The following CYBC1 variants were observed in gnomAD, a reference collection of about 807,000 sequenced individuals.
The protein encoded by CYBC1 is cytochrome b-245 chaperone 1, also known as essential for reactive oxygen species protein.
In CYBC1, 22 loss-of-function variants were observed where a neutral mutation model predicts 21.7. The observed-to-expected ratio is 1.02, with a 90% CI of 0.73 to 1.45. The LOEUF (loss-of-function observed/expected upper bound fraction) is 1.45. Ranked by LOEUF, CYBC1 falls within the 40% of genes most tolerant of loss-of-function variation. CYBC1 has a pLI of 0.00. For synonymous variants in CYBC1, 112 were observed against 98.7 expected (o/e 1.13, Z -0.80); for missense variants, 237 against 242.1 (o/e 0.98, Z 0.14).
Position 82,442,770 on chromosome 17 carries a change from G to A in CYBC1, c.*1234C>T, listed in dbSNP as rs1016077456. The A allele has an allele frequency of 8.1e-6, 5 of 620,826 alleles. No homozygotes were observed. Among genetic ancestry groups the A allele is most frequent in the African/African-American group, 7.4e-5 (4 of 54,356 alleles). 38.5% of individuals were successfully genotyped at this position (620,826 alleles called of 1,614,324 possible). A position where few individuals can be genotyped will look rare whatever the true frequency, so the allele number is the denominator to read the frequency against. ...TCACCGAGGTCACAGCCAGACGTGG[G>A]GCAAAGGTGTTCCCTGTCCTACCCA... is the stretch of plus-strand genomic sequence containing the variant. On this transcript the variant is annotated 3_prime_UTR_variant, in exon 7 of 7. Transcript: ENST00000306645. This position sits in a 1 kb window ranked among gnomAD's most constrained non-coding sequence, Gnocchi z 6.8.
In CYBC1 at chr17:82,442,694, G is replaced by A; in HGVS notation, c.*1310C>T. 1 of 1,177,270 alleles carries A rather than the reference G, an allele frequency of 8.5e-7. No homozygotes were observed. The highest frequency in any genetic ancestry group is 1.2e-6 in the Non-Finnish European group (1 of 838,076). The allele number at this position is 1,177,270 out of a possible 1,614,324, so 72.9% of individuals were successfully genotyped here. On this transcript the variant is annotated 3_prime_UTR_variant, in exon 7 of 7. Coordinates refer to ENST00000306645, the MANE Select transcript of CYBC1 (RefSeq NM_001033046.4). This position sits in a 1 kb window ranked among gnomAD's most constrained non-coding sequence, Gnocchi z 6.8. ...ATGATGACCCTGTCCTGCAACGAGG[G>A]ACTGGCAGCCACTACTGAGGAGGAG... is the stretch of plus-strand genomic sequence containing the variant.
At position 82,449,296 on chromosome 17, in the gene CYBC1, G is replaced by T; in HGVS notation, c.-38-4C>A. The stretch of plus-strand genomic sequence containing the variant: ...CACTCTCTACAGGAGGAGGGGTCTG[G>T]GAACAGACAGAGGCAGCTGAGCCCT... On this transcript the variant is annotated splice_polypyrimidine_tract_variant and splice_region_variant and intron_variant, in intron 1 of 6. Coordinates refer to ENST00000306645, the MANE Select transcript of CYBC1 (RefSeq NM_001033046.4). 1.4e-6 allele frequency: 2 copies of T among 1,465,480 alleles called. No homozygotes were observed. Among genetic ancestry groups the T allele is most frequent in the Non-Finnish European group, 1.8e-6 (2 of 1,096,058 alleles). The allele number at this position is 1,465,480 out of a possible 1,614,324, so 90.8% of individuals were successfully genotyped here.
chr17:82,447,048 C>T (rs1451752829), intron 3 of CYBC1: 1 of 378,648 alleles, frequency 2.6e-6, no homozygotes, highest in African/African-American at 2.1e-5. Context: ...CCCAAAAACA[C>T]AGAAGACTTA....
intron 1 of CYBC1, chr17:82,449,585 T>C (rs1002972480): frequency 3.3e-6 from 1 of 304,516 alleles, no homozygotes; most frequent in Non-Finnish European, 6.0e-6. Flanking sequence ...TGCCCCGTCC[T>C]GTCTGGAAAC....
At position 82,443,446 on chromosome 17, in the gene CYBC1, AC is replaced by A. The variant is rs1417664899; in HGVS notation, c.*557del. 2 of 641,364 alleles carry A rather than the reference AC, an allele frequency of 3.1e-6. No homozygotes were observed. The highest frequency in any genetic ancestry group is 5.8e-6 in the Non-Finnish European group (2 of 346,852). 39.7% of individuals were successfully genotyped at this position (641,364 alleles called of 1,614,324 possible). A position where few individuals can be genotyped will look rare whatever the true frequency, so the allele number is the denominator to read the frequency against. Reference sequence around the variant, plus strand: ...ACAGCCAGGTAGGCCCTGGATGTTCACCCCTCACTGCCCTTGGGGAAGCACC... The same window carrying A: ...ACAGCCAGGTAGGCCCTGGATGTTCACCCTCACTGCCCTTGGGGAAGCACC... On this transcript the variant is annotated 3_prime_UTR_variant, in exon 7 of 7. Coordinates refer to ENST00000306645, the MANE Select transcript of CYBC1 (RefSeq NM_001033046.4). The surrounding 1 kb of genome is among the most constrained non-coding windows in gnomAD (Gnocchi z 6.7).
At chr17:82,448,905 A>G (rs555672399) in intron 2 of CYBC1, 8 of 474,670 alleles carry the variant, frequency 1.7e-5, no homozygotes, top group Non-Finnish European at 2.6e-5. Flanking sequence ...CAAAACAAGT[A>G]CAAAGGAAAA....
At chr17:82,444,195 T>C in intron 6 of CYBC1, 71 bp from the exon 7 acceptor site, 3 of 1,562,880 alleles carry the variant, frequency 1.9e-6, no homozygotes, top group Non-Finnish European at 1.7e-6. Context: ...CCCACAGCAG[T>C]CTCCTCCTCG....
At chr17:82,449,444 T>G in intron 1 of CYBC1, 152 bp from the exon 2 acceptor site, 1 of 453,744 alleles carries the variant, frequency 2.2e-6, no homozygotes, top group Non-Finnish European at 3.9e-6. Flanking sequence ...GTCTCTGTGG[T>G]TGGGCACGTC....
chr17:82,445,730 C>T (rs1294462501), intron 5 of CYBC1, 134 bp downstream of exon 5: 4 of 637,132 alleles, frequency 6.3e-6, no homozygotes, highest in Non-Finnish European at 8.1e-6. Flanking sequence ...CAGGACACAA[C>T]CCTGGTCACC....
At chr17:82,445,827 G>T in intron 5 of CYBC1, 37 bp downstream of exon 5, 2 of 1,521,894 alleles carry the variant, frequency 1.3e-6, no homozygotes, top group South Asian at 2.3e-5. Context: ...CCGCCTCTGT[G>T]GCCGTGTCCC....
chr17:82,444,556 C>G lies in CYBC1; in HGVS notation c.334G>C (p.Val112Leu). ...AAGTACCGGACCTTCTCCTCCTCCA[C>G]GCTCACATCACGGACATCATGGAGC... is the stretch of plus-strand genomic sequence containing the variant. ...VLLHDVRDVS[V>L]EEEKVRYFGK... Residue 112 changes from valine (V) to leucine (L), a missense_variant, in exon 6 of 7, where the codon GTG becomes CTG. Transcript: ENST00000306645. 6.2e-7 allele frequency: 1 copy of G among 1,613,772 alleles called. No individual in the cohort carries two copies. The highest frequency in any genetic ancestry group is 1.3e-5 in the African/African-American group (1 of 75,068).
rs750374912 is a variant in CYBC1, at chr17:82,443,639, A to T, written c.*365T>A. The T allele has an allele frequency of 5.4e-6, 4 of 746,642 alleles. No individual in the cohort carries two copies. In the Admixed American group the frequency reaches 7.4e-5, roughly 14 times the overall value. 46.3% of individuals were successfully genotyped at this position (746,642 alleles called of 1,614,324 possible). ...GCGAGACCTCCGGCTGCAGAAAGGCAGGCCCAGGCCTCACGATGGAGAAAG... is the reference window on the plus strand; with the variant it reads ...GCGAGACCTCCGGCTGCAGAAAGGCTGGCCCAGGCCTCACGATGGAGAAAG... On this transcript the variant is annotated 3_prime_UTR_variant, in exon 7 of 7. Transcript: ENST00000306645. The surrounding 1 kb of genome is among the most constrained non-coding windows in gnomAD (Gnocchi z 6.7).
At chr17:82,446,283 T>A (rs539732220) in intron 4 of CYBC1, among the ~76,000 whole-genome samples, 1 of 152,130 alleles carries the variant, frequency 6.6e-6, no homozygotes, top group Non-Finnish European at 1.5e-5. Flanking sequence ...TGGGCCAGGC[T>A]GAAAGGACTC....
intron 2 of CYBC1, 108 bp downstream of exon 2, chr17:82,449,062 G>T: frequency 3.4e-6 from 3 of 889,992 alleles, no homozygotes; most frequent in Non-Finnish European, 5.2e-6. Flanking sequence ...ATAGCCATTA[G>T]ATTTCAAGGT....
chr17:82,447,725 A>T (rs905086261), intron 2 of CYBC1, 104 bp from the exon 3 acceptor site: 1 of 996,526 alleles, frequency 1.0e-6, no homozygotes, highest in Non-Finnish European at 1.5e-6. Flanking sequence ...GGCCCTTCCC[A>T]CTGTAGGAAC....
chr17:82,443,189 G>C lies in CYBC1; in HGVS notation c.*815C>G. The C allele has an allele frequency of 3.4e-6, 1 of 296,040 alleles. No individual in the cohort carries two copies. The highest frequency in any genetic ancestry group is 6.7e-6 in the Non-Finnish European group (1 of 149,644). The allele number at this position is 296,040 out of a possible 1,614,324, so 18.3% of individuals were successfully genotyped here. A position where few individuals can be genotyped will look rare whatever the true frequency, so the allele number is the denominator to read the frequency against. ...GCCTCCGAAAGTGCTGGGATTACTG[G>C]CATGAACCACTGCGCCCGGCTGGAG... On this transcript the variant is annotated 3_prime_UTR_variant, in exon 7 of 7. Coordinates refer to ENST00000306645, the MANE Select transcript of CYBC1 (RefSeq NM_001033046.4). This position sits in a 1 kb window ranked among gnomAD's most constrained non-coding sequence, Gnocchi z 6.7.
chr17:82,446,172 G>A (rs1429245490), intron 4 of CYBC1, among the ~76,000 whole-genome samples: 1 of 152,236 alleles, frequency 6.6e-6, no homozygotes, highest in East Asian at 1.9e-4. Context: ...AAATGGAGAG[G>A]TGGGCAGGTG....
intron 5 of CYBC1, 97 bp from the exon 6 acceptor site, chr17:82,444,688 A>G: frequency 5.5e-6 from 8 of 1,452,328 alleles, no homozygotes; most frequent in Non-Finnish European, 7.4e-6. Flanking sequence ...CGACAGCCAC[A>G]CTTGGTTGGC....
chr17:82,445,870 C>A lies in CYBC1; in HGVS notation c.292G>T (p.Asp98Tyr). The A allele has an allele frequency of 1.9e-6, 3 of 1,610,136 alleles. No homozygotes were observed. In the South Asian group the frequency reaches 3.3e-5, roughly 18 times the overall value. The change falls in exon 5 of 7, where the codon GAC becomes TAC. Residue 98 changes from aspartate (D) to tyrosine (Y), a missense_variant. Physicochemically the swap from Asp to Tyr is radical, Grantham distance 160 (BLOSUM62 -3). Transcript: ENST00000306645. ...CACGCTCCCCACGACTCACCCTGGT[C>A]GTGGCCAGCTCTGAAAAGAGTCAGC... The part of the protein sequence containing the change: ...KLLTLFRAGH[D>Y]QVVVLLHDVR...
Sources: gnomAD v4.1 joint callset for allele counts (sites outside exome capture counted in the v4.1 genomes callset) on GRCh38, gnomAD v4.1.1 for gene constraint, Gnocchi (gnomAD v3.1) non-coding constraint, MANE v1.5 for transcripts, NCBI Gene and HGNC (gene_info 2026-07-23, HGNC 2026-07-21) for gene names.